CCDC91: variants seen among roughly 807,000 people sequenced by gnomAD.
CCDC91 encodes coiled-coil domain-containing protein 91.
In CCDC91, 48 loss-of-function variants were observed where a neutral mutation model predicts 63.2. The ratio of observed to expected loss-of-function variants is 0.76; its 90% CI spans 0.60 to 0.97. CCDC91 has a LOEUF of 0.97. CCDC91 is among the 50% of genes least tolerant of loss of function. The probability of loss-of-function intolerance (pLI) is 0.00; values close to 1 mark genes in which losing one functional copy is unlikely to be tolerated. For missense variants in CCDC91, 500 were observed against 494.6 expected (o/e 1.01, Z -0.10); for synonymous variants, 167 against 165.8 (o/e 1.01, Z -0.06).
intron 12 of CCDC91, among the ~76,000 whole-genome samples, chr12:28,502,338 T>C (rs1350260499): frequency 6.6e-6 from 1 of 151,872 alleles, no homozygotes; most frequent in African/African-American, 2.4e-5. Flanking sequence ...CACAATTTCT[T>C]CAAAGAGAAT....
rs187268106 is a variant in CCDC91, at chr12:28,272,240, T to G, written c.109+12798T>G. ...CCTTATTTTCTTTGATTAGAATTTT[T>G]TGGGCTTCTGAATGTATGGATTGAA... On this transcript the variant is annotated intron_variant, in intron 3 of 12. Coordinates refer to ENST00000536442, the MANE Select transcript of CCDC91 (RefSeq NM_018318.5). 1.0e-3 allele frequency among the ~76,000 whole-genome samples: 154 copies of G among 152,142 alleles called. 1 individual carries two copies. Among genetic ancestry groups the G allele is most frequent in the African/African-American group, 3.3e-3 (139 of 41,556 alleles).
chr12:28,507,302 A>T (rs1027866057), intron 12 of CCDC91, among the ~76,000 whole-genome samples: 8 of 152,000 alleles, frequency 5.3e-5, no homozygotes, highest in Admixed American at 3.3e-4. Context: ...TAACCTTGGC[A>T]TAATTGACAT....
intron 8 of CCDC91, among the ~76,000 whole-genome samples, chr12:28,433,415 GAT>G: frequency 6.6e-6 from 1 of 151,872 alleles, no homozygotes; most frequent in East Asian, 1.9e-4. Context: ...TCTGTGTCTA[GAT>G]ATAGTTTTTT....
At chr12:28,528,918 AATG>A (rs1262782110) in intron 12 of CCDC91, among the ~76,000 whole-genome samples, 3 of 152,198 alleles carry the variant, frequency 2.0e-5, no homozygotes, top group Non-Finnish European at 4.4e-5. Flanking sequence ...CCATTAAAAG[AATG>A]ATATTTATCT....
At chr12:28,257,162 G>A in intron 1 of CCDC91, 40 bp from the exon 2 acceptor site, 5 of 1,195,368 alleles carry the variant, frequency 4.2e-6, no homozygotes, top group Non-Finnish European at 5.0e-6. Flanking sequence ...ATAAATGACT[G>A]TGTGTGTGCG....
chr12:28,365,895 G>A (rs1272838646), intron 7 of CCDC91, among the ~76,000 whole-genome samples: 1 of 152,020 alleles, frequency 6.6e-6, no homozygotes, highest in Non-Finnish European at 1.5e-5. Context: ...TGGCTCCTGG[G>A]GATCTTACGT....
Position 28,421,736 on chromosome 12 carries a change from C to T in CCDC91, c.763-28425C>T, listed in dbSNP as rs1173306007. Among the ~76,000 whole-genome samples the T allele has an allele frequency of 2.6e-5, 4 of 152,132 alleles. No individual in the cohort carries two copies. In the East Asian group the frequency reaches 7.7e-4, roughly 29 times the overall value. On this transcript the variant is annotated intron_variant, in intron 8 of 12. Coordinates refer to ENST00000536442, the MANE Select transcript of CCDC91 (RefSeq NM_018318.5). ...AACATAGAAATTCTGCCTGTGTTTA[C>T]AGTCTGCCTGTTTCCCTTAAGGATT...
intron 12 of CCDC91, among the ~76,000 whole-genome samples, chr12:28,534,677 A>G (rs555292359): frequency 3.3e-4 from 51 of 152,308 alleles, no homozygotes; most frequent in African/African-American, 1.2e-3. Context: ...TTATGGTTCA[A>G]GACTCCTTTA....
chr12:28,319,821 A>AG (rs1247627168), intron 6 of CCDC91, among the ~76,000 whole-genome samples: 1 of 151,848 alleles, frequency 6.6e-6, no homozygotes, highest in Non-Finnish European at 1.5e-5. Context: ...TAATAAGAAG[A>AG]GAAAAAGTCT....
chr12:28,533,721 A>G (rs1387104106), intron 12 of CCDC91, among the ~76,000 whole-genome samples: 1 of 152,006 alleles, frequency 6.6e-6, no homozygotes, highest in South Asian at 2.1e-4. Flanking sequence ...TTTATTTATC[A>G]TGCTCCTCTT....
chr12:28,537,684 C>G (rs1382144244), intron 12 of CCDC91, among the ~76,000 whole-genome samples: 5 of 152,180 alleles, frequency 3.3e-5, no homozygotes, highest in African/African-American at 1.2e-4. Flanking sequence ...TGTACTTTTT[C>G]TATTCTTAGC....
chr12:28,496,943 C>CATATAT (rs140551640), intron 12 of CCDC91, among the ~76,000 whole-genome samples: 8 of 138,104 alleles, frequency 5.8e-5, no homozygotes, highest in African/African-American at 2.1e-4. Flanking sequence ...TATATATATA[C>CATATAT]ATATATATAT....
chr12:28,283,567 G>T (rs1473021774), intron 3 of CCDC91, among the ~76,000 whole-genome samples: 1 of 151,980 alleles, frequency 6.6e-6, no homozygotes, highest in African/African-American at 2.4e-5. Context: ...GTTAATGGTT[G>T]TGTAAAGGTT....
intron 3 of CCDC91, among the ~76,000 whole-genome samples, chr12:28,266,205 A>G (rs1249133089): frequency 6.6e-6 from 1 of 151,922 alleles, no homozygotes; most frequent in African/African-American, 2.4e-5. Context: ...ATATGATAGG[A>G]AGTATACAGT....
intron 7 of CCDC91, among the ~76,000 whole-genome samples, chr12:28,390,795 C>A (rs1278793763): frequency 1.3e-5 from 2 of 152,072 alleles, no homozygotes. Context: ...TGAAGTTGCT[C>A]AGAGTTTCCA....
chr12:28,309,203 T>C (rs1187466288), intron 6 of CCDC91, among the ~76,000 whole-genome samples: 1 of 152,024 alleles, frequency 6.6e-6, no homozygotes, highest in African/African-American at 2.4e-5. Context: ...GTCTTTTCAG[T>C]GCCTGTGATG....
At chr12:28,399,934 G>A (rs527433655) in intron 8 of CCDC91, among the ~76,000 whole-genome samples, 20 of 152,274 alleles carry the variant, frequency 1.3e-4, no homozygotes, top group South Asian at 8.3e-4. Flanking sequence ...TTTTCCAGGC[G>A]CACAGTGTAA....
chr12:28,452,197 A>G (rs1949838959), intron 10 of CCDC91, among the ~76,000 whole-genome samples: 1 of 151,590 alleles, frequency 6.6e-6, no homozygotes, highest in African/African-American at 2.4e-5. Flanking sequence ...TTAAGATTGT[A>G]AAGGGATCTT....
chr12:28,291,052 A>G (rs1331482155), intron 3 of CCDC91, among the ~76,000 whole-genome samples: 1 of 152,206 alleles, frequency 6.6e-6, no homozygotes, highest in East Asian at 1.9e-4. Context: ...GTTTTGGACC[A>G]TGAATTTTAA....
Sources: allele counts gnomAD v4.1 joint callset (sites outside exome capture counted in the v4.1 genomes callset), GRCh38; gene constraint gnomAD v4.1.1; transcripts MANE v1.5; gene names NCBI Gene and HGNC (gene_info 2026-07-23, HGNC 2026-07-21).